The following TMF1 variants were observed in gnomAD, a reference collection of about 807,000 sequenced individuals.
TMF1 encodes the protein TATA element modulatory factor 1, also known as TATA element modulatory factor.
In TMF1, 71 loss-of-function variants were observed where a neutral mutation model predicts 126.5. That is an observed-to-expected ratio of 0.56 (90% CI 0.46 to 0.68). TMF1 has a LOEUF of 0.68. TMF1 is among the 30% of genes least tolerant of loss of function. The probability of loss-of-function intolerance (pLI) is 0.00; values close to 1 mark genes in which losing one functional copy is unlikely to be tolerated. For missense variants in TMF1, 1,259 were observed against 1,253.2 expected, an observed-to-expected ratio of 1.00 and a Z score of -0.07; for synonymous variants, 461 against 430.5, an observed-to-expected ratio of 1.07 and a Z score of -0.88.
In TMF1 at chr3:69,033,532, A is replaced by G. The variant is rs750476904; in HGVS notation, c.2401+16T>C. The G allele has an allele frequency of 6.2e-7, 1 of 1,603,714 alleles. No homozygotes were observed. Among genetic ancestry groups the G allele is most frequent in the Admixed American group, 1.8e-5 (1 of 56,940 alleles). ...GGAAGAGCTTCTGCATCGAGCATAA[A>G]AACTAAAGCAGTTACCAAGCCTATC... On this transcript the variant is annotated intron_variant, in intron 10 of 16. Coordinates refer to ENST00000398559, the MANE Select transcript of TMF1 (RefSeq NM_007114.3).
chr3:69,030,566 TA>T (rs2091795041), intron 10 of TMF1: 1 of 152,158 alleles, frequency 6.6e-6, no homozygotes, highest in African/African-American at 2.4e-5. Flanking sequence ...ATGCAAACCA[TA>T]TATCTAGGAT....
At chr3:69,027,399 G>A (rs2091774420) in intron 13 of TMF1, among the ~76,000 whole-genome samples, 1 of 152,146 alleles carries the variant, frequency 6.6e-6, no homozygotes, top group African/African-American at 2.4e-5. Context: ...ACTGGTTTCA[G>A]TGACAGACAA....
intron 3 of TMF1, 78 bp from the exon 4 acceptor site, chr3:69,043,954 G>A: frequency 1.6e-6 from 2 of 1,219,198 alleles, no homozygotes; most frequent in Non-Finnish European, 2.2e-6. Flanking sequence ...ATTCTCAAAA[G>A]GAAGATAACT....
chr3:69,034,972 T>C, intron 9 of TMF1, 51 bp downstream of exon 9: 2 of 1,498,960 alleles, frequency 1.3e-6, no homozygotes, highest in Non-Finnish European at 1.9e-6. Flanking sequence ...CTTTTATTTC[T>C]AGAAAAACAC....
intron 6 of TMF1, 90 bp from the exon 7 acceptor site, chr3:69,039,099 A>C: frequency 9.3e-7 from 1 of 1,074,640 alleles, no homozygotes; most frequent in Non-Finnish European, 1.3e-6. Flanking sequence ...TAATGGAGAA[A>C]AATATATATT....
At position 69,030,022 on chromosome 3, in the gene TMF1, GA is replaced by G. The variant is rs556325562; in HGVS notation, c.2402-16del. On this transcript the variant is annotated splice_polypyrimidine_tract_variant and intron_variant, in intron 10 of 16. Transcript: ENST00000398559. ...CTGGGATTCACCTGATTACAGGACA[GA>G]AAAAAAAATCACATACACATACAGC... 1.3e-5 allele frequency: 20 copies of G among 1,571,356 alleles called. No individual in the cohort carries two copies. Among genetic ancestry groups the G allele is most frequent in the Admixed American group, 5.8e-5 (3 of 51,422 alleles).
At chr3:69,035,727 A>T (rs2091827905) in intron 8 of TMF1, among the ~76,000 whole-genome samples, 1 of 152,224 alleles carries the variant, frequency 6.6e-6, no homozygotes, top group Non-Finnish European at 1.5e-5. Context: ...TACAACATGA[A>T]TATAACCATT....
At chr3:69,028,455 A>G (rs1314821498) in intron 11 of TMF1, among the ~76,000 whole-genome samples, 160 bp from the exon 12 acceptor site, 3 of 152,216 alleles carry the variant, frequency 2.0e-5, no homozygotes, top group African/African-American at 7.2e-5. Flanking sequence ...TCCAGATCCC[A>G]TCTGAGTTTC....
At chr3:69,045,742 G>C (rs545987181) in intron 2 of TMF1, among the ~76,000 whole-genome samples, 1 of 151,782 alleles carries the variant, frequency 6.6e-6, no homozygotes. Context: ...GCAAGACTCC[G>C]CCTCAAAAAA....
chr3:69,035,066 C>T lies in TMF1; in HGVS notation c.2201G>A (p.Arg734Lys). ...CTCATGGCGTAAATAATCCTCCTTTCTGGCAGCCGCTTGTTCTGTACGCTG... is the reference window on the plus strand; with the variant it reads ...CTCATGGCGTAAATAATCCTCCTTTTTGGCAGCCGCTTGTTCTGTACGCTG... ...ALQRTEQAAA[R>K]KEDYLRHEIG... Residue 734 changes from arginine (R) to lysine (K), a missense_variant, in exon 9 of 17, where the codon AGA becomes AAA. Physicochemically the swap from Arg to Lys is conservative, Grantham distance 26. Coordinates refer to ENST00000398559, the MANE Select transcript of TMF1 (RefSeq NM_007114.3). 6.2e-7 allele frequency: 1 copy of T among 1,614,182 alleles called. No individual in the cohort carries two copies.
chr3:69,040,857 G>A (rs1559633412), intron 5 of TMF1, among the ~76,000 whole-genome samples: 1 of 151,924 alleles, frequency 6.6e-6, no homozygotes, highest in Non-Finnish European at 1.5e-5. Flanking sequence ...GGGAGGCGGA[G>A]GTTGCAGTGA....
intron 13 of TMF1, among the ~76,000 whole-genome samples, chr3:69,026,585 A>G (rs899031327): frequency 6.6e-6 from 1 of 152,294 alleles, no homozygotes; most frequent in East Asian, 1.9e-4. Context: ...GCACCACTAC[A>G]CTCCAGCCTG....
Position 69,041,016 on chromosome 3 carries a change from T to A in TMF1, c.1685-1323A>T, listed in dbSNP as rs974535116. 5.9e-4 allele frequency among the ~76,000 whole-genome samples: 89 copies of A among 152,082 alleles called. 1 individual carries two copies. The highest frequency in any genetic ancestry group is 2.2e-4 in the Non-Finnish European group (15 of 68,012). ...ACTCTGTGAATATAAAATACTCCCA[T>A]GTGAAATTGCTCTATTTTCTCTGTA... On this transcript the variant is annotated intron_variant, in intron 5 of 16. Transcript: ENST00000398559.
chr3:69,038,417 C>T, intron 8 of TMF1, 147 bp downstream of exon 8: 1 of 915,884 alleles, frequency 1.1e-6, no homozygotes, highest in South Asian at 1.9e-5. Flanking sequence ...TTAAAAAACA[C>T]AACTGGTTAA....
intron 10 of TMF1, 89 bp downstream of exon 10, chr3:69,033,459 C>A: frequency 7.2e-7 from 1 of 1,395,864 alleles, no homozygotes; most frequent in Non-Finnish European, 9.6e-7. Flanking sequence ...ACTATCAGAT[C>A]AAATGAATTT....
chr3:69,039,479 C>T lies in TMF1; in HGVS notation c.1827+72G>A, dbSNP rs2091851445. The T allele has an allele frequency of 2.7e-6, 4 of 1,498,994 alleles. No homozygotes were observed. In the Admixed American group the frequency reaches 8.7e-5, roughly 33 times the overall value. The allele number at this position is 1,498,994 out of a possible 1,614,324, so 92.9% of individuals were successfully genotyped here. On this transcript the variant is annotated intron_variant, in intron 6 of 16. Transcript: ENST00000398559. ...CCCCATTAAATCTTTTCAAATGCTC[C>T]ATAACCATGGCCAACTGTTCATACA...
Position 69,035,113 on chromosome 3 carries a change from C to T in TMF1, c.2154G>A (p.Val718=), listed in dbSNP as rs531602160. The T allele has an allele frequency of 8.1e-5, 131 of 1,613,628 alleles. 2 individuals carry two copies. In the South Asian group the frequency reaches 1.4e-3, roughly 17 times the overall value. ...GCTGCAATGCAAGCCTAAGGTCCCC[C>T]ACCTGTAGGAGGAGAAACAATACAT... ...RQQQETLAIQ[V]GDLRLALQRT... The change falls in exon 9 of 17, where the codon GTG becomes GTA. Residue 718 remains valine (V), a splice_region_variant and synonymous_variant. Coordinates refer to ENST00000398559, the MANE Select transcript of TMF1 (RefSeq NM_007114.3).
intron 8 of TMF1, among the ~76,000 whole-genome samples, chr3:69,035,708 A>G (rs1202028608): frequency 6.6e-6 from 1 of 152,216 alleles, no homozygotes; most frequent in African/African-American, 2.4e-5. Flanking sequence ...CTATAGTTGC[A>G]AATGTCGATA....
chr3:69,038,606 G>C lies in TMF1; in HGVS notation c.2109C>G (p.Ala703=), dbSNP rs371732478. The change falls in exon 8 of 17, where the codon GCC becomes GCG. Residue 703 remains alanine (A), a synonymous_variant. Transcript: ENST00000398559. ...CTTGCTGCTGACGGGCTTCTTCTTG[G>C]GCCTTCTCTAATGCTGCAGAAAGTT... ...KEELSAALEK[A]QEEARQQQET... The C allele has an allele frequency of 2.3e-5, 37 of 1,613,720 alleles. No individual in the cohort carries two copies. In the African/African-American group the frequency reaches 4.8e-4, roughly 21 times the overall value.
Sources: allele counts gnomAD v4.1 joint callset (sites outside exome capture counted in the v4.1 genomes callset), GRCh38; gene constraint gnomAD v4.1.1; transcripts MANE v1.5; gene names NCBI Gene and HGNC (gene_info 2026-07-23, HGNC 2026-07-21).